ALDH3B1: variants seen among roughly 807,000 people sequenced by gnomAD.
The protein encoded by ALDH3B1 is aldehyde dehydrogenase 3 family member B1.
A neutral mutation model predicts 46.2 loss-of-function variants in ALDH3B1; 37 were observed. That is an observed-to-expected ratio of 0.80 (90% confidence interval 0.62 to 1.05). The LOEUF (loss-of-function observed/expected upper bound fraction) is 1.05. ALDH3B1 is among the 50% of genes least tolerant of loss of function. The probability of loss-of-function intolerance (pLI) is 0.00; values close to 1 mark genes in which losing one functional copy is unlikely to be tolerated. For missense variants in ALDH3B1, 603 were observed against 665.5 expected (o/e 0.91, Z 1.03); for synonymous variants, 283 against 281.0 (o/e 1.01, Z -0.07).
intron 2 of ALDH3B1, chr11:68,017,900 T>G (rs571501192): frequency 6.6e-6 from 1 of 152,222 alleles, no homozygotes; most frequent in East Asian, 1.9e-4. Flanking sequence ...AAACCCTAAG[T>G]CAGATCCCAT....
rs370859579 is a variant in ALDH3B1, at chr11:68,027,881, G to A, written c.1349G>A (p.Arg450His). Residue 450 changes from arginine to histidine, a missense_variant, in exon 10 of 10, where the codon CGC (arginine) becomes CAC (histidine). Coordinates refer to ENST00000342456, the MANE Select transcript of ALDH3B1 (RefSeq NM_000694.4). ...ALRYPPQSPR[R>H]LRMLLVAMEA... ...CGCTACCCGCCGCAATCGCCGCGCCGCCTGAGGATGCTGCTGGTGGCCATG... is the reference window on the plus strand; with the variant it reads ...CGCTACCCGCCGCAATCGCCGCGCCACCTGAGGATGCTGCTGGTGGCCATG... The A allele has an allele frequency of 1.5e-4, 238 of 1,563,316 alleles. No individual in the cohort carries two copies. The highest frequency in any genetic ancestry group is 1.9e-4 in the Non-Finnish European group (217 of 1,156,236).
At chr11:68,014,708 T>A (rs565751591) in intron 1 of ALDH3B1, among the ~76,000 whole-genome samples, 1 of 152,144 alleles carries the variant, frequency 6.6e-6, no homozygotes, top group Non-Finnish European at 1.5e-5. Context: ...GAAGAGGCTA[T>A]TGCCCACTGG....
intron 1 of ALDH3B1, 139 bp from the exon 2 acceptor site, chr11:68,015,158 T>G: frequency 3.4e-6 from 3 of 893,938 alleles, no homozygotes; most frequent in Non-Finnish European, 4.9e-6. Flanking sequence ...TGGGTCCCTG[T>G]GTGTGTATAA....
intron 8 of ALDH3B1, 32 bp from the exon 9 acceptor site, chr11:68,025,977 G>A (rs1410547758): frequency 6.7e-7 from 1 of 1,494,158 alleles, no homozygotes; most frequent in East Asian, 2.5e-5. Context: ...TGGGGCTCAA[G>A]GCAGCCTCAC....
intron 1 of ALDH3B1, among the ~76,000 whole-genome samples, chr11:68,013,221 T>C (rs1205973480): frequency 6.6e-6 from 1 of 152,078 alleles, no homozygotes; most frequent in African/African-American, 2.4e-5. Flanking sequence ...CCAGAGTGAG[T>C]GACCCGTAGG....
chr11:68,026,540 A>C (rs1590784023), intron 9 of ALDH3B1, among the ~76,000 whole-genome samples: 3 of 145,864 alleles, frequency 2.1e-5, no homozygotes, highest in African/African-American at 5.1e-5. Context: ...TCAGTACAAC[A>C]CCTCCCCACC....
chr11:68,021,403 A>G (rs1185626583), intron 6 of ALDH3B1, 82 bp from the exon 7 acceptor site: 19 of 1,539,442 alleles, frequency 1.2e-5, no homozygotes, highest in Non-Finnish European at 1.6e-5. Context: ...CCACCTCTCC[A>G]GGGAGGAGCG....
In ALDH3B1 at chr11:68,019,802, G is replaced by T; in HGVS notation, c.562+6G>T. The T allele has an allele frequency of 6.2e-7, 1 of 1,613,884 alleles. No homozygotes were observed. ...CGACTACATCTTCTTCACAGGTGAG[G>T]CCGGGACGAGGGTCGGGACAGGCTG... On this transcript the variant is annotated splice_donor_region_variant and intron_variant, in intron 6 of 9. Coordinates refer to ENST00000342456, the MANE Select transcript of ALDH3B1 (RefSeq NM_000694.4).
At chr11:68,024,342 T>C (rs1052646488) in intron 8 of ALDH3B1, 2 of 152,236 alleles carry the variant, frequency 1.3e-5, no homozygotes, top group Admixed American at 6.5e-5. Context: ...GAAGCTACTA[T>C]TGTTTGTTTC....
At position 68,027,733 on chromosome 11, in the gene ALDH3B1, C is replaced by G; in HGVS notation, c.1217-16C>G. ...CCCCCAGCGCCTGACCACCTGTGTT[C>G]TGTGCCACTGTACAGGTGCCAGTGG... On this transcript the variant is annotated splice_polypyrimidine_tract_variant and intron_variant, in intron 9 of 9. Transcript: ENST00000342456. The G allele has an allele frequency of 6.4e-7, 1 of 1,552,570 alleles. No homozygotes were observed. Among genetic ancestry groups the G allele is most frequent in the Non-Finnish European group, 8.7e-7 (1 of 1,147,028 alleles).
chr11:68,026,545 C>T (rs578242624), intron 9 of ALDH3B1, among the ~76,000 whole-genome samples: 3 of 152,148 alleles, frequency 2.0e-5, no homozygotes, highest in African/African-American at 7.2e-5. Flanking sequence ...ACAACACCTC[C>T]CCACCCTGAG....
chr11:68,017,887 A>C (rs1213008571), intron 2 of ALDH3B1: 3 of 152,182 alleles, frequency 2.0e-5, no homozygotes, highest in Non-Finnish European at 4.4e-5. Context: ...TTAAAAAAAA[A>C]CAAAACCCTA....
intron 2 of ALDH3B1, chr11:68,017,051 C>G (rs760126734): frequency 6.6e-6 from 1 of 152,366 alleles, no homozygotes; most frequent in Non-Finnish European, 1.5e-5. Context: ...TTTGGTGAAT[C>G]TGGTTGGGCA....
At chr11:68,015,230 C>T (rs1479969738) in intron 1 of ALDH3B1, 67 bp from the exon 2 acceptor site, 44 of 1,431,512 alleles carry the variant, frequency 3.1e-5, no homozygotes, top group Middle Eastern at 2.6e-4. Flanking sequence ...GACCCTGGGG[C>T]GGCTGGGTGG....
At chr11:68,009,123 C>G (rs1385039722), upstream of ALDH3B1, among the ~76,000 whole-genome samples, 1 of 152,206 alleles carries the variant, frequency 6.6e-6, no homozygotes, top group African/African-American at 2.4e-5. Flanking sequence ...AGCCCCAGCT[C>G]TGGAGCAAGA....
At chr11:68,011,287 T>C (rs1359183461) in intron 1 of ALDH3B1, among the ~76,000 whole-genome samples, 1 of 152,160 alleles carries the variant, frequency 6.6e-6, no homozygotes, top group Non-Finnish European at 1.5e-5. Context: ...AACCGCCTAA[T>C]ACCGGATCGC....
At position 68,021,599 on chromosome 11, in the gene ALDH3B1, A is replaced by C. The variant is rs1453483946; in HGVS notation, c.677A>C (p.Gln226Pro). 6.2e-7 allele frequency: 1 copy of C among 1,614,034 alleles called. No homozygotes were observed. Among genetic ancestry groups the C allele is most frequent in the Non-Finnish European group, 8.5e-7 (1 of 1,179,966 alleles). The change falls in exon 7 of 10, where the codon CAG (glutamine) becomes CCG (proline). Residue 226 changes from glutamine to proline, a missense_variant. By Grantham distance (76) the Gln-to-Pro change is moderately conservative (BLOSUM62 -1). Coordinates refer to ENST00000342456, the MANE Select transcript of ALDH3B1 (RefSeq NM_000694.4). Reference sequence around the variant, plus strand: ...TACGTGGACGACAACTGCGACCCCCAGACCGTGGCCAACCGCGTGGCCTGG... The same window carrying C: ...TACGTGGACGACAACTGCGACCCCCCGACCGTGGCCAACCGCGTGGCCTGG... ...PCYVDDNCDP[Q>P]TVANRVAWFR...
In ALDH3B1 at chr11:68,015,345, C is replaced by T. The variant is rs781459880; in HGVS notation, c.48C>T (p.His16=). The change falls in exon 2 of 10, where the codon CAC becomes CAT. Residue 16 remains histidine, a synonymous_variant. Transcript: ENST00000342456. ...DTLRRLREAF[H]AGRTRPAEFR... ...TGCGGCGACTGCGGGAGGCCTTCCA[C>T]GCGGGGCGCACGCGGCCAGCTGAGT... 2.3e-5 allele frequency: 35 copies of T among 1,535,122 alleles called. No individual in the cohort carries two copies. The highest frequency in any genetic ancestry group is 1.6e-4 in the South Asian group (13 of 82,196).
chr11:68,011,057 G>A (rs921582588), intron 1 of ALDH3B1, among the ~76,000 whole-genome samples: 48 of 152,338 alleles, frequency 3.2e-4, no homozygotes, highest in African/African-American at 1.1e-3. Flanking sequence ...CCCAAGGGAG[G>A]GGCTGCTGAG....
Sources: gnomAD v4.1 joint callset for allele counts (sites outside exome capture counted in the v4.1 genomes callset) on GRCh38, gnomAD v4.1.1 for gene constraint, MANE v1.5 for transcripts, NCBI Gene and HGNC (gene_info 2026-07-23, HGNC 2026-07-21) for gene names.